Variants in FAT3 observed in about 807,000 individuals in gnomAD.
FAT3 encodes protocadherin Fat 3.
In FAT3, 95 loss-of-function variants were observed where a neutral mutation model predicts 310.2. That is an observed-to-expected ratio of 0.31 (90% CI 0.26 to 0.36). The LOEUF is 0.36. Among genes scored for constraint, FAT3 ranks in the 10% least tolerant of loss-of-function variants. The pLI, the probability that FAT3 is intolerant of heterozygous loss-of-function variation, is 1.00. For missense variants in FAT3, 5,408 were observed against 5,715.6 expected (o/e 0.95, Z 1.74); for synonymous variants, 2,314 against 2,192.9 (o/e 1.06, Z -1.54).
At chr11:92,248,647 A>G (rs1865021342) in intron 1 of FAT3, among the ~76,000 whole-genome samples, 2 of 152,124 alleles carry the variant, frequency 1.3e-5, no homozygotes, top group South Asian at 4.1e-4. Flanking sequence ...TTATATTGTC[A>G]TTGTAGAAAA....
intron 1 of FAT3, among the ~76,000 whole-genome samples, chr11:92,229,490 G>GTTTTTTTTTTTTTTTTCT: frequency 2.1e-5 from 1 of 46,842 alleles, no homozygotes; most frequent in Non-Finnish European, 4.5e-5. Flanking sequence ...TTGTTTTTTC[G>GTTTTTTTTTTTTTTTTCT]TGTTTTTTTT....
intron 9 of FAT3, among the ~76,000 whole-genome samples, chr11:92,794,361 G>A (rs529835607): frequency 2.0e-5 from 3 of 151,530 alleles, no homozygotes; most frequent in Non-Finnish European, 4.4e-5. Flanking sequence ...TCTTTTCCCC[G>A]TATTCATTCA....
chr11:92,437,971 A>AAG (rs1311721510), intron 2 of FAT3, among the ~76,000 whole-genome samples: 5 of 152,152 alleles, frequency 3.3e-5, no homozygotes, highest in African/African-American at 1.2e-4. Context: ...GATGGCATAC[A>AAG]AGAGAGAAAG....
chr11:92,866,531 T>C (rs1306249614), intron 21 of FAT3, among the ~76,000 whole-genome samples: 1 of 152,184 alleles, frequency 6.6e-6, no homozygotes, highest in Non-Finnish European at 1.5e-5. Flanking sequence ...AATCACAAGA[T>C]TTGTGAAATA....
rs570871854 is a variant in FAT3 at position 92,653,057 on chromosome 11, C to T, written c.3608-44327C>T. On this transcript the variant is annotated intron_variant, in intron 3 of 27. Transcript: ENST00000525166. The stretch of plus-strand genomic sequence containing the variant: ...GCCTGTAACCTCAGCTACTTGATAG[C>T]CTGAGGCAGGAGACTCTCTTGAACC... 7.9e-5 allele frequency among the ~76,000 whole-genome samples: 12 copies of T among 152,234 alleles called. No individual in the cohort carries two copies. The South Asian group carries it at 2.5e-3, about 32-fold the overall frequency.
rs759116450 is a variant in FAT3 at position 92,797,861 on chromosome 11, C to T, written c.4848C>T (p.Ile1616=). The change falls in exon 10 of 28, where the codon ATC becomes ATT. Residue 1616 remains isoleucine (I), a synonymous_variant. Transcript: ENST00000525166. ...EAGNTGNMFK[I]EPVLGIITIC... ...GGAACACTGGGAACATGTTTAAGAT[C>T]GAACCGGTCCTAGGCATCATCACCA... 13 of 1,612,006 alleles carry T rather than the reference C, an allele frequency of 8.1e-6. No individual in the cohort carries two copies. Among genetic ancestry groups the T allele is most frequent in the South Asian group, 1.1e-5 (1 of 90,986 alleles).
chr11:92,507,227 T>A (rs138226926), intron 2 of FAT3, among the ~76,000 whole-genome samples: 1 of 152,154 alleles, frequency 6.6e-6, no homozygotes, highest in East Asian at 1.9e-4. Flanking sequence ...TTTAATGGGA[T>A]GAAATGTGAA....
At chr11:92,643,690 C>T (rs565645892) in intron 3 of FAT3, among the ~76,000 whole-genome samples, 1 of 152,288 alleles carries the variant, frequency 6.6e-6, no homozygotes, top group Non-Finnish European at 1.5e-5. Context: ...TATGAATTCC[C>T]CAATTGTGAT....
At chr11:92,699,323 C>T (rs533118467) in intron 4 of FAT3, among the ~76,000 whole-genome samples, 1 of 152,170 alleles carries the variant, frequency 6.6e-6, no homozygotes, top group Non-Finnish European at 1.5e-5. Flanking sequence ...TAATGTATTG[C>T]ATATTTCAAA....
At chr11:92,490,221 G>A (rs1474956533) in intron 2 of FAT3, among the ~76,000 whole-genome samples, 3 of 152,000 alleles carry the variant, frequency 2.0e-5, no homozygotes, top group African/African-American at 4.8e-5. Context: ...GATAGCCATC[G>A]GCATAATCAG....
At chr11:92,574,617 A>C (rs937249754) in intron 3 of FAT3, among the ~76,000 whole-genome samples, 1 of 152,118 alleles carries the variant, frequency 6.6e-6, no homozygotes, top group East Asian at 1.9e-4. Flanking sequence ...TTCTGATACA[A>C]CCTGTCAATT....
At chr11:92,796,878 G>A (rs1049651033) in intron 9 of FAT3, among the ~76,000 whole-genome samples, 2 of 152,174 alleles carry the variant, frequency 1.3e-5, no homozygotes, top group African/African-American at 4.8e-5. Context: ...TTCTGAAGCA[G>A]AGCTGTAAAC....
rs553135394 is a variant in FAT3, at chr11:92,825,299, G to A, written c.9482-6323G>A. On this transcript the variant is annotated intron_variant, in intron 13 of 27. Transcript: ENST00000525166. ...GCCAGGGTCTGTGCTCAGTATTGGG[G>A]TTCAAAGATAATAAGACACAGTTCC... Among the ~76,000 whole-genome samples, 6 of 152,206 alleles carry A rather than the reference G, an allele frequency of 3.9e-5. No individual in the cohort carries two copies. The East Asian group carries it at 1.2e-3, about 29-fold the overall frequency.
At chr11:92,586,988 A>G (rs1181944545) in intron 3 of FAT3, among the ~76,000 whole-genome samples, 1 of 152,026 alleles carries the variant, frequency 6.6e-6, no homozygotes, top group Non-Finnish European at 1.5e-5. Context: ...CAGAAATAAG[A>G]TGTGCAAAGC....
chr11:92,731,652 C>T (rs1490184479), intron 4 of FAT3, among the ~76,000 whole-genome samples: 8 of 151,872 alleles, frequency 5.3e-5, no homozygotes, highest in Admixed American at 5.2e-4. Flanking sequence ...TAGTGTCTTA[C>T]TCTCTGGTGG....
chr11:92,519,252 A>G (rs1183403478), intron 2 of FAT3, among the ~76,000 whole-genome samples: 2 of 152,158 alleles, frequency 1.3e-5, no homozygotes, highest in South Asian at 2.1e-4. Flanking sequence ...ACATGTAGCA[A>G]TTGATTTTTG....
intron 3 of FAT3, among the ~76,000 whole-genome samples, chr11:92,690,768 A>T (rs1943776347): frequency 6.6e-6 from 1 of 152,196 alleles, no homozygotes; most frequent in Non-Finnish European, 1.5e-5. Flanking sequence ...GCACAGCCTG[A>T]TGTCCATATG....
chr11:92,696,883 A>G (rs1943955746), intron 3 of FAT3, among the ~76,000 whole-genome samples: 3 of 152,232 alleles, frequency 2.0e-5, no homozygotes, highest in Admixed American at 2.0e-4. Context: ...GTAAGTTATT[A>G]AATATGAAAT....
intron 3 of FAT3, among the ~76,000 whole-genome samples, chr11:92,549,233 C>G (rs2135432070): frequency 6.6e-6 from 1 of 152,128 alleles, no homozygotes; most frequent in East Asian, 1.9e-4. Context: ...GGATAGTATC[C>G]CCACTATCAG....
Sources: gnomAD v4.1 joint callset for allele counts (sites outside exome capture counted in the v4.1 genomes callset) on GRCh38, gnomAD v4.1.1 for gene constraint, MANE v1.5 for transcripts, NCBI Gene and HGNC (gene_info 2026-07-23, HGNC 2026-07-21) for gene names.